MGAT5: variants seen among roughly 807,000 people sequenced by gnomAD.
MGAT5 encodes alpha-1,6-mannosylglycoprotein 6-beta-N-acetylglucosaminyltransferase A.
MGAT5 carries 30 observed loss-of-function variants against 94.3 expected under a neutral mutation model. That is an observed-to-expected ratio of 0.32 (90% CI 0.24 to 0.43). The LOEUF is 0.43. MGAT5 is among the 20% of genes least tolerant of loss of function. The pLI is 1.00. For missense variants in MGAT5, 691 were observed against 905.5 expected, an observed-to-expected ratio of 0.76 and a Z score of 3.04; for synonymous variants, 310 against 322.9, an observed-to-expected ratio of 0.96 and a Z score of 0.43.
intron 1 of MGAT5, among the ~76,000 whole-genome samples, chr2:134,127,639 C>T (rs1374466880): frequency 6.6e-6 from 1 of 152,022 alleles, no homozygotes; most frequent in Non-Finnish European, 1.5e-5. Flanking sequence ...GATGAGCTGT[C>T]CAGGCAGCAT....
intron 12 of MGAT5, among the ~76,000 whole-genome samples, chr2:134,419,489 T>TG (rs1574061867): frequency 1.2e-4 from 18 of 150,094 alleles, no homozygotes; most frequent in Admixed American, 4.0e-4. Flanking sequence ...TGTGTGTGTG[T>TG]TTCCATAAAG....
intron 1 of MGAT5, among the ~76,000 whole-genome samples, chr2:134,145,440 G>A (rs981569728): frequency 1.7e-4 from 26 of 152,168 alleles, no homozygotes; most frequent in African/African-American, 6.0e-4. Flanking sequence ...TACCTACTTG[G>A]GAGGCCGAGG....
At chr2:134,355,390 A>G (rs904425670) in intron 9 of MGAT5, among the ~76,000 whole-genome samples, 1 of 152,136 alleles carries the variant, frequency 6.6e-6, no homozygotes, top group African/African-American at 2.4e-5. Context: ...CATTGTGTCC[A>G]AGACTCTTCT....
chr2:134,291,393 G>A (rs528096948), intron 2 of MGAT5, among the ~76,000 whole-genome samples: 35 of 152,266 alleles, frequency 2.3e-4, no homozygotes, highest in African/African-American at 7.5e-4. Flanking sequence ...CACCAGACAC[G>A]GAATCTTCCC....
intron 1 of MGAT5, among the ~76,000 whole-genome samples, chr2:134,184,009 GAA>G (rs1688877895): frequency 6.6e-6 from 1 of 152,148 alleles, no homozygotes; most frequent in South Asian, 2.1e-4. Context: ...TTTTGTCTGT[GAA>G]AGCCTTTCTC....
intron 1 of MGAT5, among the ~76,000 whole-genome samples, chr2:134,140,492 G>C (rs1432121426): frequency 6.6e-6 from 1 of 152,208 alleles, no homozygotes; most frequent in East Asian, 1.9e-4. Context: ...GTTATCCAGC[G>C]TGACTGCCAG....
In MGAT5 at chr2:134,451,718, T is replaced by G. The variant is rs1331407790; in HGVS notation, c.*2871T>G. On this transcript the variant is annotated 3_prime_UTR_variant, in exon 16 of 16. Transcript: ENST00000281923. ...TTTTTTTGGATTATTTTCCCCATTG[T>G]GATCCTAAGCTCTTAAAAAACTTGA... 6.6e-6 allele frequency: 1 copy of G among 152,270 alleles called. No homozygotes were observed. Among genetic ancestry groups the G allele is most frequent in the Non-Finnish European group, 1.5e-5 (1 of 68,052 alleles). 9.4% of individuals were successfully genotyped at this position (152,270 alleles called of 1,614,324 possible).
rs184780213 is a variant in MGAT5 at position 134,336,710 on chromosome 2, G to A, written c.645+422G>A. 3.9e-4 allele frequency among the ~76,000 whole-genome samples: 59 copies of A among 152,214 alleles called. 1 individual carries two copies. The highest frequency in any genetic ancestry group is 5.7e-4 in the Non-Finnish European group (39 of 68,008). On this transcript the variant is annotated intron_variant, in intron 5 of 15. Transcript: ENST00000281923. ...TTGGGGCCGAATTTAAATGATGAGT[G>A]AGTTTATATAAGGTCAAGGAGAAAA...
chr2:134,410,428 A>G (rs1039361115), intron 11 of MGAT5, among the ~76,000 whole-genome samples: 14 of 152,230 alleles, frequency 9.2e-5, no homozygotes, highest in African/African-American at 3.4e-4. Flanking sequence ...CTACAATCCT[A>G]ATTGTGTGAC....
intron 1 of MGAT5, among the ~76,000 whole-genome samples, chr2:134,127,573 T>C (rs1042311896): frequency 1.5e-5 from 2 of 136,042 alleles, no homozygotes; most frequent in African/African-American, 5.4e-5. Context: ...AGGAGTGTCA[T>C]GGAGCTCTCA....
intron 1 of MGAT5, among the ~76,000 whole-genome samples, chr2:134,260,920 A>G (rs1683295086): frequency 6.6e-6 from 1 of 152,118 alleles, no homozygotes; most frequent in South Asian, 2.1e-4. Context: ...TTCTGCTTTA[A>G]AAAGCTTGGA....
At chr2:134,310,382 C>G (rs1296862883) in intron 2 of MGAT5, among the ~76,000 whole-genome samples, 1 of 152,120 alleles carries the variant, frequency 6.6e-6, no homozygotes, top group African/African-American at 2.4e-5. Context: ...GAGGAAGGCA[C>G]TTCATCTCAC....
intron 1 of MGAT5, 103 bp from the exon 2 acceptor site, chr2:134,270,283 A>T (rs778195489): frequency 1.9e-5 from 22 of 1,162,948 alleles, no homozygotes; most frequent in Non-Finnish European, 2.6e-5. Context: ...GTATCACTTC[A>T]GAAACATTTG....
At chr2:134,206,586 C>A (rs767196936) in intron 1 of MGAT5, among the ~76,000 whole-genome samples, 5 of 152,080 alleles carry the variant, frequency 3.3e-5, no homozygotes, top group Non-Finnish European at 7.4e-5. Flanking sequence ...ACTCCTGAAA[C>A]GTGGATGTAG....
intron 1 of MGAT5, among the ~76,000 whole-genome samples, chr2:134,183,939 A>C (rs375194496): frequency 6.6e-6 from 1 of 152,172 alleles, no homozygotes; most frequent in Admixed American, 6.5e-5. Context: ...AGTTCTAGCA[A>C]AATTGCTAAG....
chr2:134,149,832 G>A (rs1343190328), intron 1 of MGAT5, among the ~76,000 whole-genome samples: 1 of 152,232 alleles, frequency 6.6e-6, no homozygotes, highest in Non-Finnish European at 1.5e-5. Flanking sequence ...AGGGGCCTGG[G>A]GAGGAAGTAG....
chr2:134,182,760 T>C (rs1325155411), intron 1 of MGAT5, among the ~76,000 whole-genome samples: 1 of 151,180 alleles, frequency 6.6e-6, no homozygotes, highest in Non-Finnish European at 1.5e-5. Context: ...TGGAATTATA[T>C]AGTGCATGTT....
intron 10 of MGAT5, among the ~76,000 whole-genome samples, chr2:134,388,644 C>T (rs1252004640): frequency 1.3e-5 from 2 of 151,806 alleles, no homozygotes; most frequent in Admixed American, 6.6e-5. Context: ...GGTTATTTAT[C>T]CTGTAGAGTT....
intron 2 of MGAT5, among the ~76,000 whole-genome samples, chr2:134,298,757 G>A (rs965673662): frequency 2.0e-5 from 3 of 152,114 alleles, no homozygotes; most frequent in African/African-American, 7.2e-5. Context: ...AGGAATTGGA[G>A]AAGAGGTAGT....
Sources: allele counts gnomAD v4.1 joint callset (sites outside exome capture counted in the v4.1 genomes callset), GRCh38; gene constraint gnomAD v4.1.1; transcripts MANE v1.5; gene names NCBI Gene and HGNC (gene_info 2026-07-23, HGNC 2026-07-21).